The following IL21R variants were observed in gnomAD, a reference collection of about 807,000 sequenced individuals.
IL21R encodes interleukin-21 receptor.
In IL21R, 14 loss-of-function variants were observed where a neutral mutation model predicts 41.3. That is an observed-to-expected ratio of 0.34 (90% CI 0.22 to 0.53). IL21R has a LOEUF of 0.53. IL21R is among the 20% of genes least tolerant of loss of function. The probability of loss-of-function intolerance (pLI) is 0.94; values close to 1 mark genes in which losing one functional copy is unlikely to be tolerated. For missense variants in IL21R, 588 were observed against 681.6 expected (o/e 0.86, Z 1.53); for synonymous variants, 286 against 287.6 (o/e 0.99, Z 0.05).
At chr16:27,426,441 C>G (rs2087079573) in intron 1 of IL21R, among the ~76,000 whole-genome samples, 1 of 152,254 alleles carries the variant, frequency 6.6e-6, no homozygotes, top group Non-Finnish European at 1.5e-5. Context: ...TTCTGGAACA[C>G]TCCAGTGTGG....
At chr16:27,442,137 T>C (rs974565846) in intron 4 of IL21R, among the ~76,000 whole-genome samples, 1 of 152,212 alleles carries the variant, frequency 6.6e-6, no homozygotes, top group Non-Finnish European at 1.5e-5. Flanking sequence ...TTCATGTGTG[T>C]GCGTGTGCAT....
At chr16:27,430,598 T>A (rs573029754) in intron 2 of IL21R, among the ~76,000 whole-genome samples, 47 of 152,292 alleles carry the variant, frequency 3.1e-4, no homozygotes, top group African/African-American at 1.1e-3. Flanking sequence ...GGTAGGTCGC[T>A]TGAGCTCAGG....
chr16:27,446,198 C>T lies in IL21R; in HGVS notation c.867+110C>T, dbSNP rs1048567533. On this transcript the variant is annotated intron_variant, in intron 8 of 8. Transcript: ENST00000337929. ...CCTCACCCCACAGGCCTAGAGCATC[C>T]AGGTCTCAGCCAAGCCACAAGCCAG... 30 of 730,010 alleles carry T rather than the reference C, an allele frequency of 4.1e-5. No individual in the cohort carries two copies. In the African/African-American group the frequency reaches 5.0e-4, roughly 12 times the overall value. 45.2% of individuals were successfully genotyped at this position (730,010 alleles called of 1,614,324 possible).
At chr16:27,421,546 A>G (rs576904400) in intron 1 of IL21R, among the ~76,000 whole-genome samples, 32 of 152,220 alleles carry the variant, frequency 2.1e-4, no homozygotes, top group African/African-American at 7.7e-4. Flanking sequence ...AAACAAATTC[A>G]TCTCATATTA....
In IL21R at chr16:27,449,212, C is replaced by A; in HGVS notation, c.1546C>A (p.Pro516Thr). The A allele has an allele frequency of 6.2e-7, 1 of 1,612,890 alleles. No homozygotes were observed. The highest frequency in any genetic ancestry group is 8.5e-7 in the Non-Finnish European group (1 of 1,179,952). Residue 516 changes from proline to threonine, a missense_variant, in exon 9 of 9, where the codon CCC (proline) becomes ACC (threonine). Transcript: ENST00000337929. ...DFTSPGDEGPPRSYLRQWVVI... is the reference protein window; with the variant it reads ...DFTSPGDEGPTRSYLRQWVVI... ...CACCAGCCCCGGGGACGAAGGACCC[C>A]CCCGGAGCTACCTCCGCCAGTGGGT...
At chr16:27,447,409 G>A (rs896994954) in intron 8 of IL21R, among the ~76,000 whole-genome samples, 7 of 152,024 alleles carry the variant, frequency 4.6e-5, no homozygotes, top group African/African-American at 1.7e-4. Flanking sequence ...TGAATCAGTG[G>A]TGGTGGCCAC....
chr16:27,451,090 T>C lies in IL21R; in HGVS notation c.*1807T>C. ...TGAGACTTGGATGGGAGCACAAGAG[T>C]GGAAACACAGCTTCTGCACGGAGCA... On this transcript the variant is annotated 3_prime_UTR_variant, in exon 9 of 9. Coordinates refer to ENST00000337929, the MANE Select transcript of IL21R (RefSeq NM_181078.3). 1 of 232,704 alleles carries C rather than the reference T, an allele frequency of 4.3e-6. No individual in the cohort carries two copies. Among genetic ancestry groups the C allele is most frequent in the East Asian group, 6.1e-5 (1 of 16,528 alleles). 14.4% of individuals were successfully genotyped at this position (232,704 alleles called of 1,614,324 possible). A position where few individuals can be genotyped will look rare whatever the true frequency, so the allele number is the denominator to read the frequency against.
At chr16:27,444,742 C>T (rs1326354740) in intron 6 of IL21R, 23 bp downstream of exon 6, 2 of 1,466,308 alleles carry the variant, frequency 1.4e-6, no homozygotes, top group East Asian at 2.6e-5. Flanking sequence ...CTGGGATGGA[C>T]ACCCCACTCC....
chr16:27,409,376 G>C (rs1161529011), intron 1 of IL21R, among the ~76,000 whole-genome samples: 1 of 150,860 alleles, frequency 6.6e-6, no homozygotes, highest in Non-Finnish European at 1.5e-5. Flanking sequence ...TAATTTTCAT[G>C]AAGTTTATTT....
At chr16:27,415,264 G>C (rs926720686) in intron 1 of IL21R, among the ~76,000 whole-genome samples, 2 of 152,230 alleles carry the variant, frequency 1.3e-5, no homozygotes, top group African/African-American at 4.8e-5. Flanking sequence ...ACTGTGCCCA[G>C]ATCAGCTGCA....
At position 27,451,588 on chromosome 16, in the gene IL21R, G is replaced by A. The variant is rs2087599766; in HGVS notation, c.*2305G>A. On this transcript the variant is annotated 3_prime_UTR_variant, in exon 9 of 9. Coordinates refer to ENST00000337929, the MANE Select transcript of IL21R (RefSeq NM_181078.3). ...AAAAAAATTAGCCAGGTGTGGTGGTGCTTGCCTATAGTCCCAGCTACTCGG... is the reference window on the plus strand; with the variant it reads ...AAAAAAATTAGCCAGGTGTGGTGGTACTTGCCTATAGTCCCAGCTACTCGG... The A allele has an allele frequency of 1.4e-5, 3 of 212,276 alleles. No homozygotes were observed. In the South Asian group the frequency reaches 5.6e-4, roughly 40 times the overall value. The allele number at this position is 212,276 out of a possible 1,614,324, so 13.1% of individuals were successfully genotyped here.
chr16:27,420,946 T>G (rs940317674), intron 1 of IL21R, among the ~76,000 whole-genome samples: 1 of 152,218 alleles, frequency 6.6e-6, no homozygotes, highest in Non-Finnish European at 1.5e-5. Flanking sequence ...TTTTACTTTT[T>G]ACATCTAGTC....
Position 27,448,643 on chromosome 16 carries a change from C to T in IL21R, c.977C>T (p.Ala326Val), listed in dbSNP as rs773983329. 34 of 1,613,076 alleles carry T rather than the reference C, an allele frequency of 2.1e-5. No individual in the cohort carries two copies. The highest frequency in any genetic ancestry group is 1.6e-4 in the Middle Eastern group (1 of 6,084). The change falls in exon 9 of 9, where the codon GCC becomes GTC. Residue 326 changes from alanine (A) to valine (V), a missense_variant. By Grantham distance (64) the Ala-to-Val change is moderately conservative. Coordinates refer to ENST00000337929, the MANE Select transcript of IL21R (RefSeq NM_181078.3). ...VYSCHPPRSPAKRLQLTELQE... is the reference protein window; with the variant it reads ...VYSCHPPRSPVKRLQLTELQE... The stretch of plus-strand genomic sequence containing the variant: ...AGCTGCCACCCACCACGGAGCCCGG[C>T]CAAGAGGCTGCAGCTCACGGAGCTA...
intron 1 of IL21R, among the ~76,000 whole-genome samples, chr16:27,427,076 G>T (rs2087090171): frequency 6.6e-6 from 1 of 151,966 alleles, no homozygotes; most frequent in Non-Finnish European, 1.5e-5. Context: ...ACCAAAAAAA[G>T]TGTCAGTTTT....
intron 4 of IL21R, among the ~76,000 whole-genome samples, chr16:27,440,248 T>TATATATATATAGAGAG (rs1352160946): frequency 1.3e-3 from 84 of 64,030 alleles, no homozygotes; most frequent in African/African-American, 1.5e-3. Context: ...TATATATATA[T>TATATATATATAGAGAG]AGAGAGAGAG....
intron 1 of IL21R, among the ~76,000 whole-genome samples, chr16:27,418,055 AT>A (rs59622289): frequency 0.23 from 31,401 of 134,212 alleles, 4,221 homozygotes; most frequent in East Asian, 0.5. Flanking sequence ...ATTTTATTTT[AT>A]TTTATTTTAT....
At chr16:27,438,929 GGTGTGTGT>G (rs60330499) in intron 4 of IL21R, among the ~76,000 whole-genome samples, 2 of 149,046 alleles carry the variant, frequency 1.3e-5, no homozygotes, top group Admixed American at 6.7e-5. Context: ...GCTTTGGCAT[GGTGTGTGT>G]GTGTGTGTGT....
chr16:27,447,979 A>G (rs962911155), intron 8 of IL21R: 1 of 152,944 alleles, frequency 6.5e-6, no homozygotes, highest in African/African-American at 2.4e-5. Context: ...TCCCTTCTAC[A>G]AGTAGGGAAA....
In IL21R at chr16:27,403,196, T is replaced by C. The variant is rs1388036545; in HGVS notation, c.-17+578T>C. On this transcript the variant is annotated intron_variant, in intron 1 of 8. Coordinates refer to ENST00000337929, the MANE Select transcript of IL21R (RefSeq NM_181078.3). ...ATGAGCTGTCGCTGCATCTTTCTCA[T>C]GAAGCACGGGGAACGGGTCGGATGG... 3.0e-6 allele frequency: 4 copies of C among 1,343,806 alleles called. No homozygotes were observed. In the Admixed American group the frequency reaches 6.7e-5, roughly 22 times the overall value. 83.2% of individuals were successfully genotyped at this position (1,343,806 alleles called of 1,614,324 possible). A position where few individuals can be genotyped will look rare whatever the true frequency, so the allele number is the denominator to read the frequency against.
Sources: gnomAD v4.1 joint callset for allele counts (sites outside exome capture counted in the v4.1 genomes callset) on GRCh38, gnomAD v4.1.1 for gene constraint, MANE v1.5 for transcripts, NCBI Gene and HGNC (gene_info 2026-07-23, HGNC 2026-07-21) for gene names.